The following LRRTM4 variants were observed in gnomAD, a reference collection of about 807,000 sequenced individuals.
LRRTM4 encodes the protein leucine-rich repeat transmembrane neuronal protein 4.
Under a neutral mutation model 47.6 loss-of-function variants are expected in LRRTM4, and 25 were observed. That is an observed-to-expected ratio of 0.53 (90% CI 0.38 to 0.73). The LOEUF (loss-of-function observed/expected upper bound fraction) is 0.73, where lower values mean the gene tolerates loss of function less well. Ranked by LOEUF, LRRTM4 falls within the 30% of genes least tolerant of loss-of-function variation. LRRTM4 has a pLI of 0.00. For missense variants in LRRTM4, 638 were observed against 713.4 expected (o/e 0.89, Z 1.20); for synonymous variants, 311 against 269.5 (o/e 1.15, Z -1.51).
intron 3 of LRRTM4, among the ~76,000 whole-genome samples, chr2:77,375,664 A>G (rs1340589382): frequency 6.6e-6 from 1 of 151,696 alleles, no homozygotes; most frequent in East Asian, 1.9e-4. Flanking sequence ...ATTATAGAAA[A>G]CTCATATAAG....
intron 3 of LRRTM4, among the ~76,000 whole-genome samples, chr2:77,458,683 A>C (rs1420865986): frequency 6.6e-6 from 1 of 151,700 alleles, no homozygotes; most frequent in Non-Finnish European, 1.5e-5. Context: ...CCTTCCTTGC[A>C]GAGGTTCGGT....
intron 3 of LRRTM4, among the ~76,000 whole-genome samples, chr2:77,309,039 AAG>A (rs1677372159): frequency 1.3e-5 from 2 of 152,216 alleles, no homozygotes; most frequent in African/African-American, 4.8e-5. Context: ...AAATAAAAGG[AAG>A]GCTGTCTGAG....
chr2:76,960,025 A>T lies in LRRTM4; in HGVS notation c.1552-211109T>A, dbSNP rs570919914. Among the ~76,000 whole-genome samples, 17 of 151,786 alleles carry T rather than the reference A, an allele frequency of 1.1e-4. No individual in the cohort carries two copies. The South Asian group carries it at 3.3e-3, about 30-fold the overall frequency. On this transcript the variant is annotated intron_variant, in intron 3 of 3. Transcript: ENST00000409884. ...CAAAAAAAAAAGCTACCTGTTAAAA[A>T]GGGCCTAAGGGCAAAACGACTTTAC...
At chr2:77,361,864 A>G (rs905921566) in intron 3 of LRRTM4, among the ~76,000 whole-genome samples, 2 of 152,070 alleles carry the variant, frequency 1.3e-5, no homozygotes, top group Admixed American at 6.6e-5. Context: ...GAATTCTTTC[A>G]CTAGAGGCCA....
chr2:77,210,341 C>A (rs1298469424), intron 3 of LRRTM4, among the ~76,000 whole-genome samples: 3 of 152,122 alleles, frequency 2.0e-5, no homozygotes, highest in African/African-American at 4.8e-5. Flanking sequence ...CTTCCCCACC[C>A]TATAAAGCTT....
At chr2:77,464,987 T>A (rs1422391923) in intron 3 of LRRTM4, among the ~76,000 whole-genome samples, 2 of 152,070 alleles carry the variant, frequency 1.3e-5, no homozygotes, top group Non-Finnish European at 2.9e-5. Flanking sequence ...TATTTTAGGG[T>A]CAAATTGAAT....
chr2:77,314,907 G>A (rs987081114), intron 3 of LRRTM4, among the ~76,000 whole-genome samples: 1 of 152,128 alleles, frequency 6.6e-6, no homozygotes, highest in Admixed American at 6.5e-5. Context: ...AGGCAATCAC[G>A]AGGGTAAACA....
chr2:76,841,719 T>G (rs1573196774), intron 3 of LRRTM4, among the ~76,000 whole-genome samples: 1 of 140,356 alleles, frequency 7.1e-6, no homozygotes, highest in South Asian at 2.2e-4. Context: ...CAAGACAAAA[T>G]AGACAAAAAC....
chr2:77,062,357 G>A (rs1000676530), intron 3 of LRRTM4, among the ~76,000 whole-genome samples: 6 of 152,192 alleles, frequency 3.9e-5, no homozygotes, highest in African/African-American at 1.4e-4. Context: ...CTTTAAAAAT[G>A]TTAGAGTCCT....
chr2:77,428,105 T>A (rs1030785373), intron 3 of LRRTM4, among the ~76,000 whole-genome samples: 1 of 152,178 alleles, frequency 6.6e-6, no homozygotes, highest in Non-Finnish European at 1.5e-5. Context: ...CACTTCTCCT[T>A]CCTGCCACCA....
chr2:77,294,152 T>C (rs1676906132), intron 3 of LRRTM4, among the ~76,000 whole-genome samples: 3 of 152,058 alleles, frequency 2.0e-5, no homozygotes. Context: ...TTATTCTCTG[T>C]TTTTGTTTTT....
In LRRTM4 at chr2:77,357,311, A is replaced by C. The variant is rs543611194; in HGVS notation, c.1551+161007T>G. Among the ~76,000 whole-genome samples, 7 of 152,300 alleles carry C rather than the reference A, an allele frequency of 4.6e-5. No individual in the cohort carries two copies. The East Asian group carries it at 1.4e-3, about 29-fold the overall frequency. ...GATGTCATTATACTGCTGCAAAATG[A>C]GTTATGATGATCCTGACCTTTTTCT... On this transcript the variant is annotated intron_variant, in intron 3 of 3. Coordinates refer to ENST00000409884, the MANE Select transcript of LRRTM4 (RefSeq NM_001134745.3).
At chr2:77,305,001 T>C (rs990445480) in intron 3 of LRRTM4, among the ~76,000 whole-genome samples, 1 of 152,072 alleles carries the variant, frequency 6.6e-6, no homozygotes, top group South Asian at 2.1e-4. Context: ...TTTTCATTCA[T>C]TCATTGTAGA....
chr2:77,165,884 C>T (rs12185676), intron 3 of LRRTM4, among the ~76,000 whole-genome samples: 91,668 of 151,974 alleles, frequency 0.6, 27,621 homozygotes, highest in Admixed American at 0.64. Flanking sequence ...GGAAGCATTC[C>T]CTTTGAAAAC....
In LRRTM4 at chr2:76,982,855, G is replaced by T. The variant is rs138261990; in HGVS notation, c.1552-233939C>A. ...CAGGAAACACTTGCAAATAAGTGAAGTGAGGGGCAGAGAGTCACAATTTAT... is the reference window on the plus strand; with the variant it reads ...CAGGAAACACTTGCAAATAAGTGAATTGAGGGGCAGAGAGTCACAATTTAT... On this transcript the variant is annotated intron_variant, in intron 3 of 3. Coordinates refer to ENST00000409884, the MANE Select transcript of LRRTM4 (RefSeq NM_001134745.3). Among the ~76,000 whole-genome samples the T allele has an allele frequency of 2.0e-5, 3 of 152,188 alleles. No homozygotes were observed. The East Asian group carries it at 5.8e-4, about 30-fold the overall frequency.
intron 3 of LRRTM4, among the ~76,000 whole-genome samples, chr2:77,104,742 A>G (rs1236775085): frequency 6.6e-6 from 1 of 152,316 alleles, no homozygotes; most frequent in East Asian, 1.9e-4. Flanking sequence ...GAAATCGAGC[A>G]GGGTTTATTC....
intron 3 of LRRTM4, among the ~76,000 whole-genome samples, chr2:77,013,541 T>C (rs572433544): frequency 2.0e-5 from 3 of 150,948 alleles, no homozygotes; most frequent in South Asian, 4.2e-4. Context: ...TAGTACTATC[T>C]GTATCAATGG....
chr2:76,843,247 T>C (rs961878568), intron 3 of LRRTM4, among the ~76,000 whole-genome samples: 8 of 152,160 alleles, frequency 5.3e-5, no homozygotes, highest in Admixed American at 4.6e-4. Flanking sequence ...AGAGTATGGT[T>C]TGAAGTTTGT....
chr2:76,817,417 TG>T (rs1378104229), intron 3 of LRRTM4, among the ~76,000 whole-genome samples: 1 of 151,872 alleles, frequency 6.6e-6, no homozygotes, highest in African/African-American at 2.4e-5. Context: ...GAAGTTGGGG[TG>T]AGCATGTAGG....
Sources: allele counts gnomAD v4.1 joint callset (sites outside exome capture counted in the v4.1 genomes callset), GRCh38; gene constraint gnomAD v4.1.1; transcripts MANE v1.5; gene names NCBI Gene and HGNC (gene_info 2026-07-23, HGNC 2026-07-21).